Variants in PCDHA6 observed in about 807,000 individuals in gnomAD.
PCDHA6 encodes protocadherin alpha-6.
A neutral mutation model predicts 60.3 loss-of-function variants in PCDHA6; 55 were observed. That is an observed-to-expected ratio of 0.91 (90% CI 0.73 to 1.14). The LOEUF is 1.14. Ranked by LOEUF, PCDHA6 falls within the 50% of genes most tolerant of loss-of-function variation. The pLI, the probability that PCDHA6 is intolerant of heterozygous loss-of-function variation, is 0.00. For synonymous variants in PCDHA6, 652 were observed against 557.9 expected (o/e 1.17, Z -2.38); for missense variants, 1,327 against 1,256.5 (o/e 1.06, Z -0.85).
chr5:140,892,468 C>T (rs1184778883), intron 1 of PCDHA6, among the ~76,000 whole-genome samples: 10 of 152,150 alleles, frequency 6.6e-5, no homozygotes, highest in Admixed American at 3.3e-4. Flanking sequence ...TACGGTTATT[C>T]AGTTTCCTAG....
At chr5:140,832,592 C>A (rs1300587314) in intron 1 of PCDHA6, among the ~76,000 whole-genome samples, 1 of 152,174 alleles carries the variant, frequency 6.6e-6, no homozygotes, top group Non-Finnish European at 1.5e-5. Context: ...AAGTAGAGAA[C>A]TATAGCGTTG....
chr5:140,936,235 GA>G (rs1358431789), intron 1 of PCDHA6, among the ~76,000 whole-genome samples: 2 of 152,076 alleles, frequency 1.3e-5, no homozygotes, highest in African/African-American at 4.8e-5. Context: ...TCCTTTTAAA[GA>G]AAACATATCC....
chr5:140,967,935 A>C (rs186453952), intron 1 of PCDHA6: 1 of 1,614,214 alleles, frequency 6.2e-7, no homozygotes, highest in Admixed American at 1.7e-5. Context: ...CTCAGTGTCA[A>C]TGACCAAGAC....
In PCDHA6 at chr5:140,830,228, C is replaced by T. The variant is rs1346700283; in HGVS notation, c.2137C>T (p.Leu713Phe). 15 of 1,613,800 alleles carry T rather than the reference C, an allele frequency of 9.3e-6. No individual in the cohort carries two copies. Among genetic ancestry groups the T allele is most frequent in the Non-Finnish European group, 1.3e-5 (15 of 1,179,916 alleles). The change falls in exon 1 of 4, where the codon CTC (leucine) becomes TTC (phenylalanine). Residue 713 changes from leucine to phenylalanine, a missense_variant. By Grantham distance (22) the Leu-to-Phe change is conservative. Transcript: ENST00000529310. ...AICAVSSLLVLTLLLYTALRC... is the reference protein window; with the variant it reads ...AICAVSSLLVFTLLLYTALRC... ...CTGCGCGGTATCCAGCCTGCTGGTC[C>T]TCACGCTACTGCTGTACACAGCGCT...
rs527281567 is a variant in PCDHA6 at position 140,992,060 on chromosome 5, A to T, written c.2542+9497A>T. Among the ~76,000 whole-genome samples the T allele has an allele frequency of 3.3e-3, 484 of 147,642 alleles. 5 individuals are homozygous for T. Among genetic ancestry groups the T allele is most frequent in the South Asian group, 0.015 (69 of 4,700 alleles). On this transcript the variant is annotated intron_variant, in intron 3 of 3. Transcript: ENST00000529310. The stretch of plus-strand genomic sequence containing the variant: ...GTGTGTGTGTGTGTGTGTGTAAGTT[A>T]ATTTCAGTAGAGAATGAGCTAGAGT...
At chr5:140,869,812 G>A (rs2051440753) in intron 1 of PCDHA6, 1 of 1,612,340 alleles carries the variant, frequency 6.2e-7, no homozygotes, top group East Asian at 2.2e-5. Flanking sequence ...GGATGTCAAC[G>A]ACAATGATCC....
intron 1 of PCDHA6, chr5:140,850,656 C>T: frequency 6.3e-7 from 1 of 1,598,598 alleles, no homozygotes; most frequent in Non-Finnish European, 8.6e-7. Context: ...GTACACTGTG[C>T]TGCGGTGCTC....
chr5:140,990,304 A>C (rs114506238), intron 3 of PCDHA6, among the ~76,000 whole-genome samples: 1 of 152,168 alleles, frequency 6.6e-6, no homozygotes, highest in African/African-American at 2.4e-5. Context: ...CATTGTCTGT[A>C]AAAAACCAAC....
intron 1 of PCDHA6, chr5:140,857,954 C>G: frequency 6.3e-7 from 1 of 1,597,286 alleles, no homozygotes; most frequent in South Asian, 1.1e-5. Flanking sequence ...GACGCGCGCT[C>G]TGGATGAGAC....
At chr5:140,881,993 A>C in intron 1 of PCDHA6, 1 of 454,088 alleles carries the variant, frequency 2.2e-6, no homozygotes, top group Non-Finnish European at 3.7e-6. Flanking sequence ...AATGTCAGGA[A>C]ATGCAAGGGG....
intron 3 of PCDHA6, among the ~76,000 whole-genome samples, chr5:140,997,018 A>G (rs1403831704): frequency 6.6e-6 from 1 of 151,882 alleles, no homozygotes; most frequent in African/African-American, 2.4e-5. Flanking sequence ...ATCCTCCAAT[A>G]TTTTTTTGAA....
rs369408845 is a variant in PCDHA6, at chr5:140,898,113, C to T, written c.2394+67628C>T. On this transcript the variant is annotated intron_variant, in intron 1 of 3. Coordinates refer to ENST00000529310, the MANE Select transcript of PCDHA6 (RefSeq NM_018909.4). ...AGCCCTTTGTCAGATGAGTAGGTTG[C>T]GAAAATTTTCTCCCATTTTGTAGGT... Among the ~76,000 whole-genome samples, 401 of 152,070 alleles carry T rather than the reference C, an allele frequency of 2.6e-3. 3 individuals carry two copies. Among genetic ancestry groups the T allele is most frequent in the Admixed American group, 0.01 (153 of 15,274 alleles).
chr5:140,906,962 C>T (rs1554192812), intron 1 of PCDHA6, among the ~76,000 whole-genome samples: 2 of 152,146 alleles, frequency 1.3e-5, no homozygotes, highest in South Asian at 4.1e-4. Context: ...TTAATGGAAT[C>T]GTGGTTGTGT....
At chr5:140,857,462 C>T (rs782280236) in intron 1 of PCDHA6, 2 of 1,598,496 alleles carry the variant, frequency 1.3e-6, no homozygotes. Context: ...GCCAGGCTGC[C>T]ACATCTTCAC....
chr5:140,863,737 A>G (rs758176321), intron 1 of PCDHA6: 1 of 251,160 alleles, frequency 4.0e-6, no homozygotes, highest in East Asian at 1.0e-4. Flanking sequence ...GCTCATGCCT[A>G]TTTGTAATCC....
rs1770719339 is a variant in PCDHA6 at position 140,829,968 on chromosome 5, T to G, written c.1877T>G (p.Leu626Arg). The change falls in exon 1 of 4, where the codon CTG (leucine) becomes CGG (arginine). Residue 626 changes from leucine to arginine, a missense_variant. By Grantham distance (102) the Leu-to-Arg change is moderately radical (BLOSUM62 -2). Transcript: ENST00000529310. ...GCTCGCTTCCCGTTTCGCGTGGGGC[T>G]GTACACGGGCGAGATCAGCACCACT... ...SSARFPFRVG[L>R]YTGEISTTRV... is the part of the protein sequence containing the mutation. The G allele has an allele frequency of 6.2e-7, 1 of 1,613,838 alleles. No individual in the cohort carries two copies. The highest frequency in any genetic ancestry group is 1.7e-5 in the Admixed American group (1 of 59,990).
intron 1 of PCDHA6, among the ~76,000 whole-genome samples, chr5:140,924,409 T>C (rs1554201915): frequency 6.6e-6 from 1 of 152,186 alleles, no homozygotes; most frequent in Non-Finnish European, 1.5e-5. Flanking sequence ...TATATCACAG[T>C]GTGCCCTTTC....
intron 1 of PCDHA6, chr5:140,871,248 G>C (rs782440984): frequency 7.2e-5 from 117 of 1,613,852 alleles, no homozygotes; most frequent in Non-Finnish European, 9.5e-5. Context: ...TCACGCTGCT[G>C]CTGTATACGG....
At position 140,850,415 on chromosome 5, in the gene PCDHA6, G is replaced by A. The variant is rs2150483298; in HGVS notation, c.2394+19930G>A. On this transcript the variant is annotated intron_variant, in intron 1 of 3. Transcript: ENST00000529310. The stretch of plus-strand genomic sequence containing the variant: ...GCACAACGCGTGCCCTGGACGAAAC[G>A]GACGCACCGCGCCAGCGCCTACTGG... 3.1e-6 allele frequency: 5 copies of A among 1,597,962 alleles called. 1 individual carries two copies. The highest frequency in any genetic ancestry group is 4.3e-6 in the Non-Finnish European group (5 of 1,167,734).
Sources: gnomAD v4.1 joint callset for allele counts (sites outside exome capture counted in the v4.1 genomes callset) on GRCh38, gnomAD v4.1.1 for gene constraint, MANE v1.5 for transcripts, NCBI Gene and HGNC (gene_info 2026-07-23, HGNC 2026-07-21) for gene names.